The following FRYL variants were observed in gnomAD, a reference collection of about 807,000 sequenced individuals.
The protein encoded by FRYL is FRY like transcription coactivator.
In FRYL, 150 loss-of-function variants were observed where a neutral mutation model predicts 351.2. That is an observed-to-expected ratio of 0.43 (90% CI 0.37 to 0.49). FRYL has a LOEUF of 0.49. Ranked by LOEUF, FRYL falls within the 20% of genes least tolerant of loss-of-function variation. FRYL has a pLI of 0.00. For synonymous variants in FRYL, 1,153 were observed against 1,257.1 expected, an observed-to-expected ratio of 0.92 and a Z score of 1.75; for missense variants, 3,036 against 3,619.3, an observed-to-expected ratio of 0.84 and a Z score of 4.13.
At position 48,520,990 on chromosome 4, in the gene FRYL, TAA is replaced by T. The variant is rs1724782152; in HGVS notation, c.7689+56_7689+57del. ...TTTTTTGAAAGAAAAGCGGGAGCTA[TAA>T]AAGAGTGCTAAAAAGAGCCCAGATT... On this transcript the variant is annotated intron_variant, in intron 55 of 63. Coordinates refer to ENST00000358350, the MANE Select transcript of FRYL (RefSeq NM_015030.2). 3 of 1,334,480 alleles carry T rather than the reference TAA, an allele frequency of 2.2e-6. No homozygotes were observed. The South Asian group carries it at 5.1e-5, about 22-fold the overall frequency. 82.7% of individuals were successfully genotyped at this position (1,334,480 alleles called of 1,614,324 possible). A position where few individuals can be genotyped will look rare whatever the true frequency, so the allele number is the denominator to read the frequency against.
At position 48,541,833 on chromosome 4, in the gene FRYL, G is replaced by A. The variant is rs911438403; in HGVS notation, c.5687+194C>T. On this transcript the variant is annotated intron_variant, in intron 45 of 63. Transcript: ENST00000358350. ...ATCTCTAACCAGCACATTAGAAGAA[G>A]AACAGCACTGCTAAAATCAGCACTT... Among the ~76,000 whole-genome samples, 6 of 152,134 alleles carry A rather than the reference G, an allele frequency of 3.9e-5. No homozygotes were observed. The East Asian group carries it at 1.2e-3, about 29-fold the overall frequency.
intron 49 of FRYL, 85 bp downstream of exon 49, chr4:48,534,460 C>T (rs1728443009): frequency 1.1e-5 from 11 of 1,046,954 alleles, no homozygotes; most frequent in Admixed American, 2.4e-5. Context: ...CCCCATTCTT[C>T]GACATTTAAG....
chr4:48,662,752 C>T (rs1303521399), intron 3 of FRYL, among the ~76,000 whole-genome samples: 1 of 107,786 alleles, frequency 9.3e-6, no homozygotes, highest in Non-Finnish European at 1.8e-5. Flanking sequence ...ATAGCAAGAT[C>T]TCATCTCCTG....
At chr4:48,601,727 C>G (rs939156216) in intron 13 of FRYL, among the ~76,000 whole-genome samples, 3 of 151,868 alleles carry the variant, frequency 2.0e-5, no homozygotes, top group Non-Finnish European at 1.5e-5. Flanking sequence ...CTCTATAATT[C>G]TAAAAGAATT....
chr4:48,761,706 T>C (rs551901641), intron 1 of FRYL, among the ~76,000 whole-genome samples: 7 of 152,254 alleles, frequency 4.6e-5, no homozygotes, highest in South Asian at 2.1e-4. Context: ...TATCTAAACA[T>C]AGAAATACTT....
chr4:48,581,166 C>T (rs1177232281), intron 21 of FRYL, among the ~76,000 whole-genome samples: 4 of 151,874 alleles, frequency 2.6e-5, no homozygotes, highest in Admixed American at 1.3e-4. Flanking sequence ...CTCAGCCTCC[C>T]GAGTAGCTGG....
intron 37 of FRYL, among the ~76,000 whole-genome samples, chr4:48,550,922 A>C (rs1259408703): frequency 6.6e-6 from 1 of 152,144 alleles, no homozygotes; most frequent in African/African-American, 2.4e-5. Flanking sequence ...AATACCAAAA[A>C]TTAGCCGAGC....
chr4:48,712,874 G>C (rs564701239), intron 1 of FRYL, among the ~76,000 whole-genome samples: 1 of 152,136 alleles, frequency 6.6e-6, no homozygotes, highest in Non-Finnish European at 1.5e-5. Flanking sequence ...GACTAACAGC[G>C]GATCTCTCAG....
intron 13 of FRYL, among the ~76,000 whole-genome samples, chr4:48,596,892 G>A (rs1282944685): frequency 1.3e-5 from 2 of 148,942 alleles, no homozygotes; most frequent in Non-Finnish European, 3.0e-5. Context: ...TTATACATCC[G>A]TTGATTAGTT....
chr4:48,724,803 A>G (rs556117359), intron 1 of FRYL, among the ~76,000 whole-genome samples: 1 of 152,374 alleles, frequency 6.6e-6, no homozygotes, highest in Admixed American at 6.5e-5. Context: ...AGAGTAGGGT[A>G]GAATAATAGA....
chr4:48,594,360 C>T (rs1466950999), intron 15 of FRYL, among the ~76,000 whole-genome samples: 1 of 151,680 alleles, frequency 6.6e-6, no homozygotes, highest in East Asian at 1.9e-4. Context: ...TGAGTTCATA[C>T]TGGGTCAGGA....
intron 61 of FRYL, among the ~76,000 whole-genome samples, chr4:48,502,446 G>A (rs1719915740): frequency 6.6e-6 from 1 of 151,752 alleles, no homozygotes; most frequent in Non-Finnish European, 1.5e-5. Flanking sequence ...TGGGGAAGCT[G>A]AGGCAGGAGA....
In FRYL at chr4:48,499,430, CA is replaced by C; in HGVS notation, c.9033del (p.Gly3012AspfsTer32). ...QAKPMGNMVS[T>X]GF ...TAAAGGCCTGAAGTGTCTCAGAATC[CA>C]GTGCTCACCATATTTCCCATTGGTT... is the stretch of plus-strand genomic sequence containing the variant. On this transcript the variant is annotated frameshift_variant, in exon 64 of 64. Transcript: ENST00000358350. LOFTEE classifies it high-confidence loss of function. 6.2e-7 allele frequency: 1 copy of C among 1,613,938 alleles called. No homozygotes were observed. Among genetic ancestry groups the C allele is most frequent in the Non-Finnish European group, 8.5e-7 (1 of 1,179,858 alleles).
At chr4:48,647,372 C>T (rs759806108) in intron 3 of FRYL, among the ~76,000 whole-genome samples, 5 of 152,182 alleles carry the variant, frequency 3.3e-5, no homozygotes, top group Non-Finnish European at 7.3e-5. Context: ...AAATTTAACA[C>T]AGATATTATT....
intron 2 of FRYL, among the ~76,000 whole-genome samples, chr4:48,693,124 T>C (rs998824892): frequency 6.6e-6 from 1 of 152,228 alleles, no homozygotes. Flanking sequence ...AAGCTGTTAA[T>C]TGGCCTTTTC....
intron 1 of FRYL, among the ~76,000 whole-genome samples, chr4:48,717,433 G>T (rs977327579): frequency 2.0e-5 from 3 of 151,486 alleles, no homozygotes; most frequent in Non-Finnish European, 4.4e-5. Context: ...AAAGATAGGT[G>T]GTGACTATTA....
chr4:48,632,946 G>T (rs1753537259), intron 4 of FRYL, among the ~76,000 whole-genome samples: 2 of 152,116 alleles, frequency 1.3e-5, no homozygotes, highest in African/African-American at 4.8e-5. Context: ...AAGCACACAG[G>T]TTCTAAAGCC....
chr4:48,746,418 G>A (rs1298839084), intron 1 of FRYL, among the ~76,000 whole-genome samples: 4 of 151,900 alleles, frequency 2.6e-5, no homozygotes, highest in African/African-American at 7.3e-5. Context: ...GGTGGCGGGT[G>A]CCTGTATTCC....
chr4:48,562,196 A>G (rs962550161), intron 32 of FRYL, among the ~76,000 whole-genome samples: 1 of 152,048 alleles, frequency 6.6e-6, no homozygotes, highest in African/African-American at 2.4e-5. Context: ...GTAGTACAAT[A>G]TATGCATAAG....
Sources: gnomAD v4.1 joint callset for allele counts (sites outside exome capture counted in the v4.1 genomes callset) on GRCh38, gnomAD v4.1.1 for gene constraint, MANE v1.5 for transcripts, NCBI Gene and HGNC (gene_info 2026-07-23, HGNC 2026-07-21) for gene names.